Variants in CYLD observed in about 807,000 individuals in gnomAD.
CYLD encodes CYLD lysine 63 deubiquitinase.
Under a neutral mutation model 104.5 loss-of-function variants are expected in CYLD, and 26 were observed. That is an observed-to-expected ratio of 0.25 (90% CI 0.18 to 0.35). The LOEUF (loss-of-function observed/expected upper bound fraction) is 0.35, where lower values mean the gene tolerates loss of function less well. Ranked by LOEUF, CYLD falls within the 10% of genes least tolerant of loss-of-function variation. The pLI is 1.00. For synonymous variants in CYLD, 385 were observed against 399.9 expected (o/e 0.96, Z 0.45); for missense variants, 703 against 1,136.1 (o/e 0.62, Z 5.48).
intron 8 of CYLD, chr16:50,778,387 GTTCATGCCCT>G (rs1020120902): frequency 1.9e-5 from 3 of 160,328 alleles, no homozygotes; most frequent in Non-Finnish European, 4.1e-5. Flanking sequence ...AATAGACATG[GTTCATGCCCT>G]TTGTGAGTTT....
At chr16:50,766,496 C>A (rs1282889848) in intron 5 of CYLD, among the ~76,000 whole-genome samples, 7 of 152,134 alleles carry the variant, frequency 4.6e-5, no homozygotes, top group Non-Finnish European at 7.4e-5. Context: ...GCATATGGAT[C>A]AAGGAGTAAT....
At chr16:50,785,265 G>A (rs1401543910) in intron 12 of CYLD, 1 of 152,104 alleles carries the variant, frequency 6.6e-6, no homozygotes. Context: ...TTTATATACT[G>A]TTCTTATTTA....
At chr16:50,796,276 G>A (rs1362559646) in intron 18 of CYLD, 48 bp from the exon 19 acceptor site, 9 of 1,573,870 alleles carry the variant, frequency 5.7e-6, no homozygotes, top group Non-Finnish European at 7.0e-6. Flanking sequence ...CTGGCAAAAG[G>A]GTTTAGAACT....
At chr16:50,778,968 T>C (rs527864169) in intron 8 of CYLD, among the ~76,000 whole-genome samples, 1 of 152,348 alleles carries the variant, frequency 6.6e-6, no homozygotes, top group African/African-American at 2.4e-5. Context: ...AGAAAATAGC[T>C]TTTGGCTGTG....
intron 5 of CYLD, among the ~76,000 whole-genome samples, chr16:50,764,492 C>T (rs1968281812): frequency 6.6e-6 from 1 of 152,112 alleles, no homozygotes; most frequent in Non-Finnish European, 1.5e-5. Context: ...CCCTTGTGTT[C>T]CTATTTTCAT....
rs1015811715 is a variant in CYLD at position 50,742,402 on chromosome 16, T to C, written c.-204+278T>C. Reference sequence around the variant, plus strand: ...GAGCCCGCTGACGTCAGCCCGGGTTTCCCCCCCCCACCGGGGCTTCCCCAT... The same window carrying C: ...GAGCCCGCTGACGTCAGCCCGGGTTCCCCCCCCCCACCGGGGCTTCCCCAT... On this transcript the variant is annotated intron_variant, in intron 1 of 18. Transcript: ENST00000427738. The C allele has an allele frequency of 3.9e-3, 668 of 169,612 alleles. 1 individual carries two copies. The highest frequency in any genetic ancestry group is 0.013 in the African/African-American group (543 of 41,560). The allele number at this position is 169,612 out of a possible 1,614,324, so 10.5% of individuals were successfully genotyped here.
At position 50,797,765 on chromosome 16, in the gene CYLD, A is replaced by T. The variant is rs1047139745; in HGVS notation, c.*1257A>T. ...TCATATGTATATGTCATATGACTTT[A>T]TAAAATATTTAATGTGACAAAAAGT... is the stretch of plus-strand genomic sequence containing the variant. On this transcript the variant is annotated 3_prime_UTR_variant, in exon 19 of 19. Coordinates refer to ENST00000427738, the MANE Select transcript of CYLD (RefSeq NM_001378743.1). 1.3e-5 allele frequency: 3 copies of T among 232,716 alleles called. No individual in the cohort carries two copies. Among genetic ancestry groups the T allele is most frequent in the Non-Finnish European group, 2.5e-5 (3 of 117,746 alleles). 14.4% of individuals were successfully genotyped at this position (232,716 alleles called of 1,614,324 possible). A position where few individuals can be genotyped will look rare whatever the true frequency, so the allele number is the denominator to read the frequency against.
intron 16 of CYLD, 44 bp downstream of exon 16, chr16:50,792,749 A>C (rs1458249837): frequency 9.5e-7 from 1 of 1,048,974 alleles, no homozygotes; most frequent in African/African-American, 1.6e-5. Flanking sequence ...GTTTTGTGGA[A>C]ATTGTCAGAT....
Position 50,799,948 on chromosome 16 carries a change from C to G in CYLD, c.*3440C>G. 1 of 233,054 alleles carries G rather than the reference C, an allele frequency of 4.3e-6. No individual in the cohort carries two copies. The highest frequency in any genetic ancestry group is 6.0e-5 in the East Asian group (1 of 16,574). 14.4% of individuals were successfully genotyped at this position (233,054 alleles called of 1,614,324 possible). On this transcript the variant is annotated 3_prime_UTR_variant, in exon 19 of 19. Transcript: ENST00000427738. ...GAGGGAATATGAAATGTGTCCCTGCCCTACCTAGTTTTAACGACAGAATAT... is the reference window on the plus strand; with the variant it reads ...GAGGGAATATGAAATGTGTCCCTGCGCTACCTAGTTTTAACGACAGAATAT...
At position 50,796,426 on chromosome 16, in the gene CYLD, G is replaced by A. The variant is rs2151047752; in HGVS notation, c.2789G>A (p.Arg930Lys). The A allele has an allele frequency of 1.2e-6, 2 of 1,614,116 alleles. No individual in the cohort carries two copies. The highest frequency in any genetic ancestry group is 1.7e-6 in the Non-Finnish European group (2 of 1,180,014). The change falls in exon 19 of 19, where the codon AGA becomes AAA. Residue 930 changes from arginine to lysine, a missense_variant. Physicochemically the swap from Arg to Lys is conservative, Grantham distance 26. Around this residue, in one of 5 missense-constraint regions of CYLD, gnomAD observed 130 missense variants for 220.2 expected, o/e 0.59. Transcript: ENST00000427738. ...LEDLHSLDSR[R>K]IQGCARRLLC... is the part of the protein sequence containing the mutation. ...GACCTGCATTCCTTGGACTCCAGGA[G>A]AATCCAAGGCTGTGCACGAAGACTG...
Position 50,751,575 on chromosome 16 carries a change from A to C in CYLD, c.505-29A>C, listed in dbSNP as rs200230348. 50 of 1,608,898 alleles carry C rather than the reference A, an allele frequency of 3.1e-5. No individual in the cohort carries two copies. In the East Asian group the frequency reaches 1.1e-3, roughly 35 times the overall value. ...TCCTATGGATCGTCTTTCTATATCT[A>C]TTTCTTTCCCTTCTCTCTTAAAAAC... On this transcript the variant is annotated intron_variant, in intron 3 of 18. Coordinates refer to ENST00000427738, the MANE Select transcript of CYLD (RefSeq NM_001378743.1).
intron 2 of CYLD, among the ~76,000 whole-genome samples, chr16:50,748,888 T>A (rs1195769157): frequency 6.6e-6 from 1 of 152,192 alleles, no homozygotes; most frequent in African/African-American, 2.4e-5. Flanking sequence ...CCCGAAACGC[T>A]ACTTTTAAAA....
intron 14 of CYLD, among the ~76,000 whole-genome samples, chr16:50,788,158 C>G (rs995312074): frequency 6.6e-6 from 1 of 152,050 alleles, no homozygotes; most frequent in African/African-American, 2.4e-5. Flanking sequence ...ATTAATGAAC[C>G]TTTTAAGAAA....
intron 1 of CYLD, 76 bp from the exon 2 acceptor site, chr16:50,742,686 G>C: frequency 2.5e-6 from 1 of 397,740 alleles, no homozygotes; most frequent in Non-Finnish European, 4.4e-6. Flanking sequence ...GATTTTGCGG[G>C]TGTTGGTGGC....
At position 50,797,717 on chromosome 16, in the gene CYLD, T is replaced by A. The variant is rs1256243189; in HGVS notation, c.*1209T>A. On this transcript the variant is annotated 3_prime_UTR_variant, in exon 19 of 19. Transcript: ENST00000427738. ...TGTCTTTCCTGAATGACTTTCTAAC[T>A]GTGCAGAAAGGCAGAAAAGTCATCA... 4.3e-6 allele frequency: 1 copy of A among 232,840 alleles called. No homozygotes were observed. The allele number at this position is 232,840 out of a possible 1,614,324, so 14.4% of individuals were successfully genotyped here.
chr16:50,755,110 CATATACACATGTGT>C (rs1966986706), intron 5 of CYLD, among the ~76,000 whole-genome samples: 1 of 33,094 alleles, frequency 3.0e-5, no homozygotes, highest in Non-Finnish European at 6.4e-5. Flanking sequence ...TATATACACA[CATATACACATGTGT>C]ATATATACAC....
chr16:50,761,543 T>A (rs1426854812), intron 5 of CYLD, among the ~76,000 whole-genome samples: 1 of 152,212 alleles, frequency 6.6e-6, no homozygotes, highest in Non-Finnish European at 1.5e-5. Context: ...AGTGGAATCA[T>A]ACATATGTCC....
chr16:50,796,944 G>T lies in CYLD; in HGVS notation c.*436G>T, dbSNP rs1972102020. On this transcript the variant is annotated 3_prime_UTR_variant, in exon 19 of 19. Transcript: ENST00000427738. ...GGTTGCCTTGAGGAAGAAATAATTT[G>T]GTTTTATTAAGAGTCTACTCTCAAT... 9.8e-6 allele frequency: 3 copies of T among 307,000 alleles called. No individual in the cohort carries two copies. The highest frequency in any genetic ancestry group is 9.9e-5 in the East Asian group (2 of 20,150). 19.0% of individuals were successfully genotyped at this position (307,000 alleles called of 1,614,324 possible). A position where few individuals can be genotyped will look rare whatever the true frequency, so the allele number is the denominator to read the frequency against.
In CYLD at chr16:50,800,967, T is replaced by G; in HGVS notation, c.*4459T>G. ...AGGAATGTAAACCCCTTAAAGCAGA[T>G]GTGTGTGGGGCCTTATGAAGACCAG... On this transcript the variant is annotated 3_prime_UTR_variant, in exon 19 of 19. Transcript: ENST00000427738. 1 of 233,322 alleles carries G rather than the reference T, an allele frequency of 4.3e-6. No individual in the cohort carries two copies. The highest frequency in any genetic ancestry group is 8.5e-6 in the Non-Finnish European group (1 of 118,042). The allele number at this position is 233,322 out of a possible 1,614,324, so 14.5% of individuals were successfully genotyped here. A position where few individuals can be genotyped will look rare whatever the true frequency, so the allele number is the denominator to read the frequency against.
Sources: gnomAD v4.1 joint callset for allele counts (sites outside exome capture counted in the v4.1 genomes callset) on GRCh38, gnomAD v4.1.1 for gene constraint, gnomAD v4.1.1 regional missense constraint, MANE v1.5 for transcripts, NCBI Gene and HGNC (gene_info 2026-07-23, HGNC 2026-07-21) for gene names.